Variants in GALNT17 observed in about 807,000 individuals in gnomAD.
GALNT17 encodes the protein UDP-GalNAc:polypeptide N-acetylgalactosaminyltransferase-like 3.
In GALNT17, 29 loss-of-function variants were observed where a neutral mutation model predicts 63.7. The observed-to-expected ratio is 0.46, with a 90% CI of 0.34 to 0.62. The LOEUF is 0.62. Among genes scored for constraint, GALNT17 ranks in the 20% least tolerant of loss-of-function variants. The pLI is 0.01. For synonymous variants in GALNT17, 305 were observed against 318.3 expected (o/e 0.96, Z 0.45); for missense variants, 603 against 799.6 (o/e 0.75, Z 2.97).
chr7:71,143,256 T>C (rs756508387), intron 1 of GALNT17, among the ~76,000 whole-genome samples: 4 of 151,732 alleles, frequency 2.6e-5, no homozygotes, highest in Non-Finnish European at 4.4e-5. Flanking sequence ...ACCCTGTCTC[T>C]ACTAAAAGTA....
chr7:71,335,566 T>G lies in GALNT17; in HGVS notation c.255T>G (p.Leu85=). The G allele has an allele frequency of 6.2e-7, 1 of 1,601,148 alleles. No individual in the cohort carries two copies. The part of the protein sequence containing the change: ...YRQLNGLSKS[L]GLIEGYGGRG... ...TTTTTCTAGGCTTATCCAAATCCCT[T>G]GGGCTCATTGAAGGTTATGGTGGGC... The change falls in exon 2 of 11, where the codon CTT becomes CTG. Residue 85 remains leucine, a synonymous_variant. Transcript: ENST00000333538.
chr7:71,616,207 T>G (rs575256174), intron 6 of GALNT17, among the ~76,000 whole-genome samples: 3 of 152,138 alleles, frequency 2.0e-5, no homozygotes, highest in South Asian at 4.1e-4. Context: ...TAGAATCTAG[T>G]CTGTTCGAGT....
At chr7:71,673,540 G>A (rs1791102723) in intron 8 of GALNT17, among the ~76,000 whole-genome samples, 2 of 152,182 alleles carry the variant, frequency 1.3e-5, no homozygotes, top group East Asian at 3.9e-4. Context: ...AGTTTTGCAA[G>A]TGGGTACTTT....
chr7:71,464,429 C>T (rs1050895436), intron 5 of GALNT17, among the ~76,000 whole-genome samples: 4 of 152,112 alleles, frequency 2.6e-5, no homozygotes, highest in East Asian at 1.9e-4. Flanking sequence ...GCCAAGAACA[C>T]GCTCCTGGTC....
intron 1 of GALNT17, among the ~76,000 whole-genome samples, chr7:71,190,402 C>CT (rs1245030579): frequency 1.3e-5 from 2 of 152,242 alleles, no homozygotes; most frequent in East Asian, 3.9e-4. Flanking sequence ...CACTGTCTCT[C>CT]TTGCTCTTGC....
At chr7:71,641,606 C>G (rs1790605081) in intron 6 of GALNT17, among the ~76,000 whole-genome samples, 1 of 151,954 alleles carries the variant, frequency 6.6e-6, no homozygotes, top group Non-Finnish European at 1.5e-5. Flanking sequence ...GGCACCAACC[C>G]TATTCACAAG....
chr7:71,338,277 A>G (rs1791946920), intron 2 of GALNT17, among the ~76,000 whole-genome samples: 1 of 152,104 alleles, frequency 6.6e-6, no homozygotes, highest in African/African-American at 2.4e-5. Flanking sequence ...CAGTGAGCCA[A>G]GATAGTGCCA....
At chr7:71,210,245 A>G (rs910932744) in intron 1 of GALNT17, among the ~76,000 whole-genome samples, 3 of 152,306 alleles carry the variant, frequency 2.0e-5, no homozygotes, top group East Asian at 1.9e-4. Context: ...CCATGATTCA[A>G]TTATCTCCCC....
intron 1 of GALNT17, among the ~76,000 whole-genome samples, chr7:71,221,383 CTTTTTTTT>C (rs33954579): frequency 3.6e-5 from 4 of 110,902 alleles, no homozygotes; most frequent in Admixed American, 9.9e-5. Flanking sequence ...TACAGCCATG[CTTTTTTTT>C]TTTTTTTTTT....
At chr7:71,554,392 G>A (rs1316310064) in intron 5 of GALNT17, among the ~76,000 whole-genome samples, 2 of 152,144 alleles carry the variant, frequency 1.3e-5, no homozygotes, top group Non-Finnish European at 2.9e-5. Flanking sequence ...TCGCCATGAT[G>A]GTGAGGCCTC....
At chr7:71,139,254 A>G (rs532521758) in intron 1 of GALNT17, among the ~76,000 whole-genome samples, 3 of 152,074 alleles carry the variant, frequency 2.0e-5, no homozygotes, top group African/African-American at 7.2e-5. Flanking sequence ...GGGGAAAGAG[A>G]TGGAGGGGTC....
Position 71,554,654 on chromosome 7 carries a change from A to G in GALNT17, c.963-16631A>G, listed in dbSNP as rs74844775. On this transcript the variant is annotated intron_variant, in intron 5 of 10. Coordinates refer to ENST00000333538, the MANE Select transcript of GALNT17 (RefSeq NM_022479.3). ...ACTGCCCATAGCACGCTGCAAGACAATTGCCTCCCGCCAGAGTGCTAGGCA... is the reference window on the plus strand; with the variant it reads ...ACTGCCCATAGCACGCTGCAAGACAGTTGCCTCCCGCCAGAGTGCTAGGCA... Among the ~76,000 whole-genome samples, 863 of 152,220 alleles carry G rather than the reference A, an allele frequency of 5.7e-3. 11 individuals carry two copies. Among genetic ancestry groups the G allele is most frequent in the African/African-American group, 0.019 (799 of 41,538 alleles).
intron 1 of GALNT17, among the ~76,000 whole-genome samples, chr7:71,168,972 C>T (rs912457826): frequency 1.3e-5 from 2 of 152,064 alleles, no homozygotes; most frequent in Non-Finnish European, 2.9e-5. Flanking sequence ...TGGCTGGTAG[C>T]GACAGAGGCT....
At chr7:71,555,808 C>G (rs976165400) in intron 5 of GALNT17, among the ~76,000 whole-genome samples, 1 of 152,246 alleles carries the variant, frequency 6.6e-6, no homozygotes, top group Non-Finnish European at 1.5e-5. Flanking sequence ...TCTGGCTTCA[C>G]CGGTCTGCTG....
Position 71,299,866 on chromosome 7 carries a change from A to G in GALNT17, c.239-35684A>G, listed in dbSNP as rs565957270. 9.9e-5 allele frequency among the ~76,000 whole-genome samples: 15 copies of G among 152,106 alleles called. No homozygotes were observed. In the South Asian group the frequency reaches 2.3e-3, roughly 23 times the overall value. On this transcript the variant is annotated intron_variant, in intron 1 of 10. Coordinates refer to ENST00000333538, the MANE Select transcript of GALNT17 (RefSeq NM_022479.3). ...CTGCAACCTCCGCCTCCCGGGTTCA[A>G]GTGATTCTCCTGCCTCAGCCTCTGG...
intron 7 of GALNT17, among the ~76,000 whole-genome samples, chr7:71,667,318 G>A (rs925664145): frequency 6.6e-6 from 1 of 152,174 alleles, no homozygotes; most frequent in Non-Finnish European, 1.5e-5. Flanking sequence ...ACCCCTTCTG[G>A]ACACTTAGCA....
intron 2 of GALNT17, among the ~76,000 whole-genome samples, chr7:71,375,404 T>G (rs1354005670): frequency 6.6e-6 from 1 of 151,962 alleles, no homozygotes; most frequent in Non-Finnish European, 1.5e-5. Flanking sequence ...GGTGAGACAT[T>G]GAGTGAGAGC....
intron 5 of GALNT17, among the ~76,000 whole-genome samples, chr7:71,437,401 A>C (rs950655612): frequency 6.6e-6 from 1 of 152,174 alleles, no homozygotes; most frequent in African/African-American, 2.4e-5. Flanking sequence ...TATTTGTTCA[A>C]ACAATCAGCT....
Position 71,701,912 on chromosome 7 carries a change from C to CAT in GALNT17, c.1501-8840_1501-8839dup, listed in dbSNP as rs1371625465. Reference sequence around the variant, plus strand: ...ATATATATACACATATATATATATACATATATATATGTATATATATACATG... The same window carrying CAT: ...ATATATATACACATATATATATATACATATATATATATGTATATATATACATG... On this transcript the variant is annotated intron_variant, in intron 9 of 10. Coordinates refer to ENST00000333538, the MANE Select transcript of GALNT17 (RefSeq NM_022479.3). 1.4e-4 allele frequency among the ~76,000 whole-genome samples: 17 copies of CAT among 122,122 alleles called. No homozygotes were observed. The South Asian group carries it at 2.8e-3, about 20-fold the overall frequency. 80.1% of individuals were successfully genotyped at this position (122,122 alleles called of 152,430 possible). A position where few individuals can be genotyped will look rare whatever the true frequency, so the allele number is the denominator to read the frequency against.
Sources: gnomAD v4.1 joint callset for allele counts (sites outside exome capture counted in the v4.1 genomes callset) on GRCh38, gnomAD v4.1.1 for gene constraint, MANE v1.5 for transcripts, NCBI Gene and HGNC (gene_info 2026-07-23, HGNC 2026-07-21) for gene names.